The following RAD54B variants were observed in gnomAD, a reference collection of about 807,000 sequenced individuals.
The protein encoded by RAD54B is RAD54 homolog B, also known as DNA repair and recombination protein RAD54B.
A neutral mutation model predicts 95.8 loss-of-function variants in RAD54B; 78 were observed. The ratio of observed to expected loss-of-function variants is 0.81; its 90% CI spans 0.68 to 0.98. The LOEUF (loss-of-function observed/expected upper bound fraction) is 0.98, where lower values mean the gene tolerates loss of function less well. RAD54B is among the 50% of genes least tolerant of loss of function. The pLI is 0.00. For missense variants in RAD54B, 957 were observed against 1,056.6 expected, an observed-to-expected ratio of 0.91 and a Z score of 1.31; for synonymous variants, 328 against 354.9, an observed-to-expected ratio of 0.92 and a Z score of 0.85.
At chr8:94,383,376 GA>G in intron 11 of RAD54B, among the ~76,000 whole-genome samples, 2 of 151,376 alleles carry the variant, frequency 1.3e-5, no homozygotes, top group Non-Finnish European at 2.9e-5. Context: ...AGGACTCACA[GA>G]GGAAAGACAA....
chr8:94,436,353 T>C (rs1812260120), intron 3 of RAD54B: 1 of 1,164,242 alleles, frequency 8.6e-7, no homozygotes. Flanking sequence ...ACTTTTCTCT[T>C]TTTAAAAAAT....
chr8:94,466,408 CT>C lies in RAD54B; in HGVS notation c.135+996del, dbSNP rs1194398092. Among the ~76,000 whole-genome samples, 830 of 142,834 alleles carry C rather than the reference CT, an allele frequency of 5.8e-3. 10 individuals carry two copies. The highest frequency in any genetic ancestry group is 0.019 in the African/African-American group (744 of 39,742). 93.7% of individuals were successfully genotyped at this position (142,834 alleles called of 152,430 possible). On this transcript the variant is annotated intron_variant, in intron 2 of 14. Coordinates refer to ENST00000336148, the MANE Select transcript of RAD54B (RefSeq NM_012415.3). ...ACATTAAGACTGCTTCCAGTATTCA[CT>C]TTTTTTTTTTTTGGGGGGGACGGAG...
At chr8:94,447,066 A>T (rs1228752271) in intron 3 of RAD54B, among the ~76,000 whole-genome samples, 1 of 152,154 alleles carries the variant, frequency 6.6e-6, no homozygotes, top group African/African-American at 2.4e-5. Context: ...GCATTTAAAT[A>T]TCTCACACTT....
chr8:94,388,953 G>C (rs752789688), intron 10 of RAD54B, among the ~76,000 whole-genome samples: 13 of 152,112 alleles, frequency 8.5e-5, no homozygotes, highest in Non-Finnish European at 1.5e-4. Flanking sequence ...CAAATTAAGA[G>C]ACTGAATAAG....
intron 2 of RAD54B, among the ~76,000 whole-genome samples, chr8:94,463,939 A>C (rs1303245898): frequency 1.3e-5 from 2 of 151,660 alleles, no homozygotes; most frequent in African/African-American, 2.4e-5. Context: ...GAGAGAAACG[A>C]AAACACATAT....
chr8:94,415,294 T>C (rs1286860889), intron 3 of RAD54B, among the ~76,000 whole-genome samples: 1 of 139,846 alleles, frequency 7.2e-6, no homozygotes, highest in Non-Finnish European at 1.6e-5. Flanking sequence ...TAAATGCTGC[T>C]GGGAAAACTG....
chr8:94,380,501 CA>C, intron 11 of RAD54B, 95 bp from the exon 12 acceptor site: 2 of 1,233,732 alleles, frequency 1.6e-6, no homozygotes, highest in Non-Finnish European at 2.2e-6. Flanking sequence ...TTATCACTGA[CA>C]TTGAGAGAAC....
At chr8:94,405,163 A>G (rs548209574) in intron 5 of RAD54B, among the ~76,000 whole-genome samples, 10 of 152,288 alleles carry the variant, frequency 6.6e-5, no homozygotes, top group Admixed American at 5.2e-4. Flanking sequence ...TAACAATGTA[A>G]TTCTTCAAAA....
chr8:94,442,429 G>A (rs1053973536), intron 3 of RAD54B, among the ~76,000 whole-genome samples: 4 of 152,138 alleles, frequency 2.6e-5, no homozygotes, highest in East Asian at 1.9e-4. Flanking sequence ...CAAAACATTA[G>A]CCAGGCGTGG....
intron 1 of RAD54B, 54 bp from the exon 2 acceptor site, chr8:94,467,609 C>A (rs1813061545): frequency 6.6e-7 from 1 of 1,503,920 alleles, no homozygotes; most frequent in African/African-American, 1.4e-5. Flanking sequence ...CAATCACCCC[C>A]AAATATAAAA....
At chr8:94,429,638 C>T (rs1352012869) in intron 3 of RAD54B, 2 of 983,520 alleles carry the variant, frequency 2.0e-6, no homozygotes, top group African/African-American at 3.5e-5. Context: ...GGAAACATTA[C>T]CTCAAATTAA....
At position 94,378,353 on chromosome 8, in the gene RAD54B, C is replaced by A. The variant is rs777645328; in HGVS notation, c.2342G>T (p.Arg781Met). The change falls in exon 14 of 15, where the codon AGG (arginine) becomes ATG (methionine). Residue 781 changes from arginine (R) to methionine (M), a missense_variant. By Grantham distance (91) the Arg-to-Met change is moderately conservative (BLOSUM62 -1). Transcript: ENST00000336148. ...TGTIEEKIYQ[R>M]QISKQGLCGA... Reference sequence around the variant, plus strand: ...ACAAAGACCTTGCTTACTGATCTGCCTTTGATAGATCTTTTCTTCTATTGT... The same window carrying A: ...ACAAAGACCTTGCTTACTGATCTGCATTTGATAGATCTTTTCTTCTATTGT... 4.3e-6 allele frequency: 7 copies of A among 1,613,610 alleles called. No homozygotes were observed. The highest frequency in any genetic ancestry group is 4.5e-5 in the East Asian group (2 of 44,842).
intron 1 of RAD54B, among the ~76,000 whole-genome samples, chr8:94,473,558 C>G (rs1360235593): frequency 1.3e-5 from 2 of 151,978 alleles, no homozygotes; most frequent in African/African-American, 2.4e-5. Flanking sequence ...AGTAAGCACT[C>G]AATGTTATCT....
chr8:94,457,054 T>C (rs1056046258), intron 3 of RAD54B, among the ~76,000 whole-genome samples: 10 of 152,164 alleles, frequency 6.6e-5, no homozygotes, highest in Non-Finnish European at 1.3e-4. Context: ...AGAATACAAA[T>C]AAAGCCCAAG....
chr8:94,443,808 T>C (rs1812455837), intron 3 of RAD54B, among the ~76,000 whole-genome samples: 2 of 152,018 alleles, frequency 1.3e-5, no homozygotes, highest in South Asian at 4.1e-4. Flanking sequence ...CCCAGGTGTA[T>C]CCTTAAACTT....
At chr8:94,396,917 G>A (rs1811162332) in intron 8 of RAD54B, among the ~76,000 whole-genome samples, 1 of 152,152 alleles carries the variant, frequency 6.6e-6, no homozygotes, top group African/African-American at 2.4e-5. Context: ...TAGAGTACAT[G>A]AGGACATAGG....
At chr8:94,418,023 G>T (rs950618251) in intron 3 of RAD54B, among the ~76,000 whole-genome samples, 1 of 152,198 alleles carries the variant, frequency 6.6e-6, no homozygotes, top group Non-Finnish European at 1.5e-5. Flanking sequence ...CTTAAGTGCA[G>T]CTCCTCCAGT....
At chr8:94,450,494 G>A (rs1812629840) in intron 3 of RAD54B, among the ~76,000 whole-genome samples, 1 of 152,192 alleles carries the variant, frequency 6.6e-6, no homozygotes, top group African/African-American at 2.4e-5. Flanking sequence ...TTATGATGGG[G>A]CTAAAAGAGT....
chr8:94,458,776 A>G (rs1390843943), intron 2 of RAD54B, among the ~76,000 whole-genome samples: 1 of 152,122 alleles, frequency 6.6e-6, no homozygotes, highest in Non-Finnish European at 1.5e-5. Context: ...TTGAGGCAGG[A>G]GAATCGCTTG....
Sources: gnomAD v4.1 joint callset for allele counts (sites outside exome capture counted in the v4.1 genomes callset) on GRCh38, gnomAD v4.1.1 for gene constraint, MANE v1.5 for transcripts, NCBI Gene and HGNC (gene_info 2026-07-23, HGNC 2026-07-21) for gene names.